CDH18: variants seen among roughly 807,000 people sequenced by gnomAD.
CDH18 encodes the protein cadherin 18.
Under a neutral mutation model 67.9 loss-of-function variants are expected in CDH18, and 31 were observed. The ratio of observed to expected loss-of-function variants is 0.46; its 90% confidence interval spans 0.34 to 0.62. The LOEUF is 0.62. Among genes scored for constraint, CDH18 ranks in the 20% least tolerant of loss-of-function variants. The pLI is 0.01. For synonymous variants in CDH18, 362 were observed against 347.2 expected, an observed-to-expected ratio of 1.04 and a Z score of -0.48; for missense variants, 890 against 975.5, an observed-to-expected ratio of 0.91 and a Z score of 1.17.
At chr5:19,709,620 C>T (rs543089958) in intron 5 of CDH18, among the ~76,000 whole-genome samples, 2 of 110,352 alleles carry the variant, frequency 1.8e-5, no homozygotes, top group African/African-American at 7.0e-5. Context: ...GACAGAATGA[C>T]AGAAAGAGAG....
At chr5:19,773,518 G>A (rs1773961117) in intron 3 of CDH18, among the ~76,000 whole-genome samples, 1 of 152,090 alleles carries the variant, frequency 6.6e-6, no homozygotes, top group African/African-American at 2.4e-5. Context: ...ACATTAAAGA[G>A]AAAATAAATA....
At chr5:20,149,979 G>A (rs956500605) in intron 2 of CDH18, among the ~76,000 whole-genome samples, 1 of 151,728 alleles carries the variant, frequency 6.6e-6, no homozygotes, top group Non-Finnish European at 1.5e-5. Context: ...CCCACACATG[G>A]AATTTAGAAA....
At chr5:20,234,530 G>C (rs1174077955) in intron 2 of CDH18, among the ~76,000 whole-genome samples, 2 of 152,054 alleles carry the variant, frequency 1.3e-5, no homozygotes, top group Non-Finnish European at 2.9e-5. Flanking sequence ...ATATCAAGAT[G>C]ATGGCCATCT....
intron 9 of CDH18, among the ~76,000 whole-genome samples, chr5:19,532,717 T>C (rs1291553214): frequency 1.3e-5 from 2 of 152,048 alleles, no homozygotes; most frequent in Non-Finnish European, 2.9e-5. Context: ...AGGTAAGGGG[T>C]GAAAGTTGTT....
intron 5 of CDH18, among the ~76,000 whole-genome samples, chr5:19,707,521 G>A (rs1193742641): frequency 6.6e-6 from 1 of 152,176 alleles, no homozygotes; most frequent in East Asian, 1.9e-4. Flanking sequence ...CAGTCCTACA[G>A]ATGATAGAGG....
At chr5:20,024,339 G>T (rs991691272) in intron 2 of CDH18, among the ~76,000 whole-genome samples, 1 of 152,148 alleles carries the variant, frequency 6.6e-6, no homozygotes, top group Non-Finnish European at 1.5e-5. Context: ...CTGGGGTAGG[G>T]TGCTATATAA....
chr5:20,033,514 G>A (rs1049846792), intron 2 of CDH18, among the ~76,000 whole-genome samples: 33 of 152,178 alleles, frequency 2.2e-4, no homozygotes, highest in Admixed American at 7.9e-4. Flanking sequence ...CTGAATGAAT[G>A]TGACTCAAAA....
intron 2 of CDH18, among the ~76,000 whole-genome samples, chr5:19,977,988 T>C (rs1484512145): frequency 6.6e-6 from 1 of 152,102 alleles, no homozygotes; most frequent in African/African-American, 2.4e-5. Context: ...TTTAATGACA[T>C]TGTGCAAAAG....
At chr5:20,113,895 ATT>A (rs1271375400) in intron 2 of CDH18, among the ~76,000 whole-genome samples, 2 of 152,168 alleles carry the variant, frequency 1.3e-5, no homozygotes, top group Non-Finnish European at 2.9e-5. Context: ...GCAAAAGATA[ATT>A]ATATAAAGAC....
intron 1 of CDH18, among the ~76,000 whole-genome samples, chr5:20,554,767 A>G (rs924325038): frequency 2.6e-5 from 4 of 152,222 alleles, no homozygotes; most frequent in African/African-American, 9.6e-5. Context: ...AGGTTAGGTC[A>G]TAAAAAATAA....
intron 2 of CDH18, among the ~76,000 whole-genome samples, chr5:20,170,774 G>T (rs1231464215): frequency 6.6e-6 from 1 of 151,764 alleles, no homozygotes; most frequent in Non-Finnish European, 1.5e-5. Context: ...ATGTCACAGG[G>T]TTTTTTGTAC....
intron 1 of CDH18, among the ~76,000 whole-genome samples, chr5:20,335,512 C>A (rs1447287937): frequency 4.6e-5 from 7 of 152,120 alleles, no homozygotes; most frequent in African/African-American, 1.7e-4. Context: ...CAAAACTTTT[C>A]TTTAAGGTCA....
At chr5:20,036,998 C>T (rs1409358713) in intron 2 of CDH18, among the ~76,000 whole-genome samples, 1 of 151,974 alleles carries the variant, frequency 6.6e-6, no homozygotes, top group Admixed American at 6.6e-5. Flanking sequence ...TATTTTGAGC[C>T]TATGTGTGTC....
chr5:19,784,470 A>G (rs1775479163), intron 3 of CDH18, among the ~76,000 whole-genome samples: 1 of 152,174 alleles, frequency 6.6e-6, no homozygotes. Context: ...ATAACATTCT[A>G]TTACACAGGC....
chr5:20,146,571 T>G (rs1284071233), intron 2 of CDH18, among the ~76,000 whole-genome samples: 2 of 151,632 alleles, frequency 1.3e-5, no homozygotes, highest in Admixed American at 6.6e-5. Flanking sequence ...CTAGCTCCAG[T>G]GCTTTATAGT....
chr5:20,379,888 C>T (rs543658995), intron 1 of CDH18, among the ~76,000 whole-genome samples: 1 of 151,562 alleles, frequency 6.6e-6, no homozygotes, highest in Non-Finnish European at 1.5e-5. Flanking sequence ...AGGTTGTGAC[C>T]CCAATCACTG....
At chr5:20,010,476 C>T (rs550285766) in intron 2 of CDH18, among the ~76,000 whole-genome samples, 11 of 151,992 alleles carry the variant, frequency 7.2e-5, no homozygotes, top group Non-Finnish European at 1.2e-4. Flanking sequence ...CCCAAAGTTC[C>T]GGGATTAGAA....
intron 3 of CDH18, among the ~76,000 whole-genome samples, chr5:19,772,852 T>A (rs1340495780): frequency 6.6e-6 from 1 of 152,212 alleles, no homozygotes; most frequent in South Asian, 2.1e-4. Flanking sequence ...TAATGACTGA[T>A]AAGTCTAAGT....
At position 19,973,546 on chromosome 5, in the gene CDH18, A is replaced by G. The variant is rs1378862240; in HGVS notation, c.-257+7514T>C. ...TTTACTTTTTACTTGGAGGTGAGAAAAAAGGAAAGGAATAAGCTAATAAAC... is the reference window on the plus strand; with the variant it reads ...TTTACTTTTTACTTGGAGGTGAGAAGAAAGGAAAGGAATAAGCTAATAAAC... On this transcript the variant is annotated intron_variant, in intron 2 of 12. Coordinates refer to ENST00000382275, the MANE Select transcript of CDH18 (RefSeq NM_004934.5). 2.0e-5 allele frequency among the ~76,000 whole-genome samples: 3 copies of G among 152,188 alleles called. No individual in the cohort carries two copies. The East Asian group carries it at 5.8e-4, about 29-fold the overall frequency.
Sources: allele counts gnomAD v4.1 joint callset (sites outside exome capture counted in the v4.1 genomes callset), GRCh38; gene constraint gnomAD v4.1.1; transcripts MANE v1.5; gene names NCBI Gene and HGNC (gene_info 2026-07-23, HGNC 2026-07-21).